Variants in PTPRQ observed in about 807,000 individuals in gnomAD.
PTPRQ encodes the protein protein tyrosine phosphatase receptor type Q, also known as phosphatidylinositol phosphatase PTPRQ.
A neutral mutation model predicts 246.0 loss-of-function variants in PTPRQ; 199 were observed. That is an observed-to-expected ratio of 0.81 (90% CI 0.72 to 0.91). The LOEUF is 0.91. Among genes scored for constraint, PTPRQ ranks in the 40% least tolerant of loss-of-function variants. PTPRQ has a pLI of 0.00. For missense variants in PTPRQ, 2,624 were observed against 2,528.4 expected (o/e 1.04, Z -0.81); for synonymous variants, 869 against 853.2 (o/e 1.02, Z -0.32).
At chr12:80,534,439 T>A (rs1460089758) in intron 18 of PTPRQ, among the ~76,000 whole-genome samples, 1 of 152,066 alleles carries the variant, frequency 6.6e-6, no homozygotes, top group Non-Finnish European at 1.5e-5. Flanking sequence ...AGTTTATATT[T>A]TTAAAAGCAC....
At chr12:80,477,778 T>C (rs1218754882) in intron 8 of PTPRQ, among the ~76,000 whole-genome samples, 1 of 152,148 alleles carries the variant, frequency 6.6e-6, no homozygotes, top group Non-Finnish European at 1.5e-5. Flanking sequence ...GGACGGCACC[T>C]GGAAAATCGG....
At chr12:80,619,906 A>T (rs920564701) in intron 31 of PTPRQ, among the ~76,000 whole-genome samples, 1 of 151,412 alleles carries the variant, frequency 6.6e-6, no homozygotes, top group Non-Finnish European at 1.5e-5. Flanking sequence ...TGAACAAGTG[A>T]GTTACTCTTG....
chr12:80,673,203 C>T lies in PTPRQ; in HGVS notation c.6637C>T (p.Leu2213=). ...GVGRTGVFIA[L]DHLTQHINDH... is the part of the protein sequence containing the mutation. ...TGGAAGAACTGGAGTTTTTATTGCT[C>T]TGGACCATTTAACACAACATATAAA... Residue 2213 remains leucine, a synonymous_variant, in exon 43 of 45, where the codon CTG becomes TTG. Coordinates refer to ENST00000644991, the MANE Select transcript of PTPRQ (RefSeq NM_001145026.2). The T allele has an allele frequency of 6.4e-7, 1 of 1,550,896 alleles. No homozygotes were observed. The highest frequency in any genetic ancestry group is 2.4e-5 in the East Asian group (1 of 40,880).
chr12:80,562,382 C>T (rs778853949), intron 25 of PTPRQ, among the ~76,000 whole-genome samples: 6 of 152,030 alleles, frequency 3.9e-5, no homozygotes, highest in Non-Finnish European at 7.4e-5. Context: ...TGGGAGAGTT[C>T]TCCAGTGAAA....
intron 25 of PTPRQ, among the ~76,000 whole-genome samples, chr12:80,573,001 G>A (rs952661624): frequency 4.6e-5 from 7 of 152,040 alleles, no homozygotes. Context: ...TTACATCAAA[G>A]TTATACTACC....
chr12:80,615,788 A>G (rs910281233), intron 29 of PTPRQ, among the ~76,000 whole-genome samples: 8 of 150,968 alleles, frequency 5.3e-5, no homozygotes, highest in African/African-American at 1.9e-4. Context: ...GAGAGAAGGA[A>G]CAGATGTTAG....
intron 17 of PTPRQ, among the ~76,000 whole-genome samples, chr12:80,518,918 C>T (rs567773902): frequency 6.6e-6 from 1 of 152,088 alleles, no homozygotes; most frequent in Non-Finnish European, 1.5e-5. Flanking sequence ...TGCGATTCCT[C>T]CAGTTTTTTC....
rs571264435 is a variant in PTPRQ, at chr12:80,548,399, G to A, written c.4016-1066G>A. On this transcript the variant is annotated intron_variant, in intron 24 of 44. Coordinates refer to ENST00000644991, the MANE Select transcript of PTPRQ (RefSeq NM_001145026.2). ...AAAACAAGGAAGTGAATAGTTAATA[G>A]CATTTAATTGCCAGATCCCTTGATC... Among the ~76,000 whole-genome samples the A allele has an allele frequency of 1.1e-4, 17 of 152,162 alleles. No homozygotes were observed. The Middle Eastern group carries it at 0.01, about 91-fold the overall frequency.
In PTPRQ at chr12:80,651,307, A is replaced by T. The variant is rs967800399; in HGVS notation, c.6025-1437A>T. Among the ~76,000 whole-genome samples the T allele has an allele frequency of 3.1e-4, 47 of 152,204 alleles. 1 individual carries two copies. The highest frequency in any genetic ancestry group is 5.9e-4 in the Non-Finnish European group (40 of 67,958). On this transcript the variant is annotated intron_variant, in intron 37 of 44. Transcript: ENST00000644991. ...AACTGCAGATGTGTAAAAATTGCAA[A>T]TTTACTGTATCTTGATGGAGATATG...
Position 80,496,369 on chromosome 12 carries a change from A to G in PTPRQ, c.2110A>G (p.Lys704Glu), listed in dbSNP as rs1440483275. The G allele has an allele frequency of 1.3e-6, 2 of 1,550,522 alleles. No individual in the cohort carries two copies. The highest frequency in any genetic ancestry group is 1.7e-6 in the Non-Finnish European group (2 of 1,146,328). ...GIIIAYEVLY[K>E]NIDTLYMKNT... ...CATTATTGCTTATGAAGTGCTATAT[A>G]AAAATATAGATACTTTATATATGAA... The change falls in exon 14 of 45, where the codon AAA becomes GAA. Residue 704 changes from lysine to glutamate, a missense_variant. Physicochemically the swap from Lys to Glu is moderately conservative, Grantham distance 56 (BLOSUM62 1). Transcript: ENST00000644991.
In PTPRQ at chr12:80,493,448, A is replaced by G. The variant is rs552219391; in HGVS notation, c.1533A>G (p.Ser511=). 3.9e-6 allele frequency: 6 copies of G among 1,547,846 alleles called. No homozygotes were observed. Among genetic ancestry groups the G allele is most frequent in the Non-Finnish European group, 5.2e-6 (6 of 1,144,998 alleles). Reference sequence around the variant, plus strand: ...GGAATAGAGCTGAAGACCAGACTTCACCAGTTGGTAGGTAGAATTTTGATT... The same window carrying G: ...GGAATAGAGCTGAAGACCAGACTTCGCCAGTTGGTAGGTAGAATTTTGATT... ...PARNRAEDQT[S]PVVTTRNQYI... Residue 511 remains serine, a synonymous_variant, in exon 10 of 45, where the codon TCA becomes TCG. Transcript: ENST00000644991.
chr12:80,678,557 T>C (rs916172242), intron 43 of PTPRQ, 45 bp from the exon 44 acceptor site: 3 of 1,502,100 alleles, frequency 2.0e-6, no homozygotes, highest in African/African-American at 2.8e-5. Flanking sequence ...TTTATGAAAC[T>C]CTTCATCAAT....
intron 33 of PTPRQ, among the ~76,000 whole-genome samples, chr12:80,629,599 G>A (rs947199973): frequency 6.6e-6 from 1 of 152,116 alleles, no homozygotes; most frequent in East Asian, 1.9e-4. Context: ...GGGTAACAGG[G>A]GACCAGACAG....
Position 80,484,437 on chromosome 12 carries a change from AG to A in PTPRQ, c.1195del (p.Ala399GlnfsTer10). 2.6e-6 allele frequency: 4 copies of A among 1,542,178 alleles called. No homozygotes were observed. The highest frequency in any genetic ancestry group is 3.5e-6 in the Non-Finnish European group (4 of 1,145,004). ...CTTTCTTTCTTTCTTTCTTAGTTCC[AG>A]GGGCAGTGTTTGATTTACAACTTGC... The part of the protein sequence containing the change: ...ISVFTPPDVP[G>X]AVFDLQLAEV... On this transcript the variant is annotated frameshift_variant, in exon 9 of 45. Transcript: ENST00000644991. LOFTEE classifies it high-confidence loss of function.
Position 80,471,489 on chromosome 12 carries a change from TTTA to T in PTPRQ, c.1040-613_1040-611del, listed in dbSNP as rs1377859052. Among the ~76,000 whole-genome samples, 5 of 40,740 alleles carry T rather than the reference TTTA, an allele frequency of 1.2e-4. 1 individual carries two copies. Among genetic ancestry groups the T allele is most frequent in the South Asian group, 9.3e-4 (1 of 1,072 alleles). 26.7% of individuals were successfully genotyped at this position (40,740 alleles called of 152,430 possible). A position where few individuals can be genotyped will look rare whatever the true frequency, so the allele number is the denominator to read the frequency against. The stretch of plus-strand genomic sequence containing the variant: ...ATTATTTAGCATTTTTTTTTTTTTT[TTTA>T]TTTGAGACAGAGTCTCGCTCTGTCG... On this transcript the variant is annotated intron_variant, in intron 7 of 44. Coordinates refer to ENST00000644991, the MANE Select transcript of PTPRQ (RefSeq NM_001145026.2).
intron 33 of PTPRQ, among the ~76,000 whole-genome samples, chr12:80,625,967 C>G (rs185391589): frequency 7.2e-5 from 11 of 152,224 alleles, no homozygotes; most frequent in Admixed American, 7.2e-4. Flanking sequence ...AAACCAGACA[C>G]CCGTTTCTGT....
chr12:80,619,250 C>G, intron 30 of PTPRQ, 134 bp from the exon 31 acceptor site: 1 of 1,075,086 alleles, frequency 9.3e-7, no homozygotes, highest in East Asian at 2.7e-5. Flanking sequence ...TCTCCAAGCA[C>G]AATTCTCTAT....
intron 16 of PTPRQ, 61 bp from the exon 17 acceptor site, chr12:80,510,262 A>G: frequency 1.5e-6 from 2 of 1,353,706 alleles, no homozygotes; most frequent in Non-Finnish European, 1.9e-6. Flanking sequence ...GTGCATTTCC[A>G]TGTTAACTTT....
At chr12:80,605,276 T>C in intron 27 of PTPRQ, 96 bp downstream of exon 27, 1 of 1,420,228 alleles carries the variant, frequency 7.0e-7, no homozygotes, top group Non-Finnish European at 9.3e-7. Context: ...TTGGCTCTGT[T>C]AGACAGTAGG....
Sources: allele counts gnomAD v4.1 joint callset (sites outside exome capture counted in the v4.1 genomes callset), GRCh38; gene constraint gnomAD v4.1.1; transcripts MANE v1.5; gene names NCBI Gene and HGNC (gene_info 2026-07-23, HGNC 2026-07-21).